Variants in LAMA2 observed in about 807,000 individuals in gnomAD.
LAMA2 encodes the protein laminin subunit alpha 2.
A neutral mutation model predicts 364.8 loss-of-function variants in LAMA2; 269 were observed. That is an observed-to-expected ratio of 0.74 (90% CI 0.67 to 0.82). The LOEUF (loss-of-function observed/expected upper bound fraction) is 0.82, where lower values mean the gene tolerates loss of function less well. Among genes scored for constraint, LAMA2 ranks in the 40% least tolerant of loss-of-function variants. The pLI is 0.00. For synonymous variants in LAMA2, 1,379 were observed against 1,370.6 expected (o/e 1.01, Z -0.14); for missense variants, 3,807 against 3,873.2 (o/e 0.98, Z 0.45).
At chr6:129,142,112 A>T (rs907716024) in intron 4 of LAMA2, among the ~76,000 whole-genome samples, 2 of 152,174 alleles carry the variant, frequency 1.3e-5, no homozygotes, top group South Asian at 4.1e-4. Flanking sequence ...AACCAGTCCC[A>T]TATTGATGGA....
chr6:129,005,184 C>T (rs2114682893), intron 1 of LAMA2, among the ~76,000 whole-genome samples: 1 of 151,858 alleles, frequency 6.6e-6, no homozygotes, highest in African/African-American at 2.4e-5. Context: ...AGTTAATTGT[C>T]AGTTTTTATG....
intron 1 of LAMA2, among the ~76,000 whole-genome samples, chr6:128,923,503 G>A (rs1268273031): frequency 6.6e-6 from 1 of 151,700 alleles, no homozygotes; most frequent in Non-Finnish European, 1.5e-5. Context: ...ATTTATTATG[G>A]CAGTCCTAGA....
chr6:129,404,277 G>C (rs1452881708), intron 40 of LAMA2, among the ~76,000 whole-genome samples: 1 of 129,346 alleles, frequency 7.7e-6, no homozygotes, highest in Non-Finnish European at 1.6e-5. Flanking sequence ...ATCTCAAATG[G>C]CATTAGTAAA....
chr6:128,901,724 G>T (rs1192735124), intron 1 of LAMA2, among the ~76,000 whole-genome samples: 1 of 152,102 alleles, frequency 6.6e-6, no homozygotes, highest in Non-Finnish European at 1.5e-5. Flanking sequence ...AGTTATATTA[G>T]CTAATCACTA....
chr6:129,315,615 C>A lies in LAMA2; in HGVS notation c.3695C>A (p.Pro1232His), dbSNP rs745866291. 116 of 1,613,946 alleles carry A rather than the reference C, an allele frequency of 7.2e-5. 1 individual carries two copies. The highest frequency in any genetic ancestry group is 9.3e-5 in the Non-Finnish European group (110 of 1,180,016). ...DLMREDLHLE[P>H]FYWKLPEQFE... ...ATGAGAGAAGATCTCCATTTGGAAC[C>A]TTTTTATTGGAAACTTCCAGAACAA... The change falls in exon 25 of 65, where the codon CCT becomes CAT. Residue 1232 changes from proline (P) to histidine (H), a missense_variant. Physicochemically the swap from Pro to His is moderately conservative, Grantham distance 77 (BLOSUM62 -2). This residue lies in a region of LAMA2 where 3,333 missense variants were observed against 3,345.7 expected (regional missense o/e 1.00). Coordinates refer to ENST00000421865, the MANE Select transcript of LAMA2 (RefSeq NM_000426.4).
At chr6:129,087,785 A>G (rs1774469125) in intron 3 of LAMA2, among the ~76,000 whole-genome samples, 1 of 152,038 alleles carries the variant, frequency 6.6e-6, no homozygotes, top group Admixed American at 6.6e-5. Context: ...AGTAGTAAAC[A>G]GCAGAGGGTA....
chr6:129,385,062 G>A (rs200484667), intron 35 of LAMA2, among the ~76,000 whole-genome samples: 3 of 82,526 alleles, frequency 3.6e-5, no homozygotes, highest in East Asian at 3.3e-4. Context: ...GGAAGGAAGG[G>A]AGGGGAGGGA....
chr6:128,934,012 A>G (rs1474570187), intron 1 of LAMA2, among the ~76,000 whole-genome samples: 2 of 152,186 alleles, frequency 1.3e-5, no homozygotes, highest in Non-Finnish European at 2.9e-5. Flanking sequence ...AATCATGACC[A>G]AGACTGATGG....
intron 22 of LAMA2, among the ~76,000 whole-genome samples, chr6:129,305,625 G>A (rs1289445460): frequency 6.6e-6 from 1 of 152,106 alleles, no homozygotes; most frequent in Non-Finnish European, 1.5e-5. Context: ...GTGTGTGTGT[G>A]TGAGAGAGAG....
At chr6:129,314,463 T>G (rs1441652848) in intron 23 of LAMA2, among the ~76,000 whole-genome samples, 192 bp from the exon 24 acceptor site, 1 of 151,690 alleles carries the variant, frequency 6.6e-6, no homozygotes, top group Non-Finnish European at 1.5e-5. Flanking sequence ...ATAAAGCATT[T>G]TTAAAAGATC....
intron 8 of LAMA2, among the ~76,000 whole-genome samples, chr6:129,164,301 C>A (rs751952459): frequency 1.3e-5 from 2 of 152,174 alleles, no homozygotes; most frequent in Non-Finnish European, 2.9e-5. Context: ...GAGATTTCAC[C>A]ACACTATTCA....
rs367599018 is a variant in LAMA2 at position 128,956,681 on chromosome 6, A to G, written c.112+73324A>G. Among the ~76,000 whole-genome samples the G allele has an allele frequency of 3.5e-4, 53 of 152,140 alleles. No homozygotes were observed. In the South Asian group the frequency reaches 0.01, roughly 30 times the overall value. On this transcript the variant is annotated intron_variant, in intron 1 of 64. Transcript: ENST00000421865. ...ATTGCTTTCTTCATAGGCTTTTCCT[A>G]TTGTTCTCTGTCAAGACACTGCAGT...
intron 3 of LAMA2, among the ~76,000 whole-genome samples, chr6:129,082,326 T>C (rs1774111944): frequency 6.6e-6 from 1 of 152,074 alleles, no homozygotes; most frequent in Admixed American, 6.6e-5. Context: ...ATTCTCTCAC[T>C]CCACTGCAAT....
chr6:129,435,771 C>A (rs4897323), intron 41 of LAMA2, among the ~76,000 whole-genome samples: 77,636 of 151,958 alleles, frequency 0.51, 20,597 homozygotes, highest in African/African-American at 0.66. Flanking sequence ...TAATATGTCC[C>A]GTACTCTTCT....
intron 1 of LAMA2, among the ~76,000 whole-genome samples, chr6:128,888,090 T>C (rs1271810825): frequency 6.6e-6 from 1 of 152,170 alleles, no homozygotes; most frequent in Non-Finnish European, 1.5e-5. Context: ...TGAGCCTCGA[T>C]AGCTAAACAG....
intron 46 of LAMA2, among the ~76,000 whole-genome samples, chr6:129,453,395 T>C (rs192352660): frequency 2.8e-4 from 42 of 152,314 alleles, no homozygotes; most frequent in African/African-American, 1.0e-3. Context: ...AATTATACTT[T>C]CAGATCCAGT....
At chr6:128,987,165 G>T (rs1761385851) in intron 1 of LAMA2, among the ~76,000 whole-genome samples, 1 of 123,704 alleles carries the variant, frequency 8.1e-6, no homozygotes. Context: ...TTGAGGCAGA[G>T]TCTCTCTCTG....
At chr6:129,362,053 T>C (rs1777496128) in intron 32 of LAMA2, among the ~76,000 whole-genome samples, 1 of 151,896 alleles carries the variant, frequency 6.6e-6, no homozygotes, top group African/African-American at 2.4e-5. Flanking sequence ...CCATACTGCT[T>C]GGATTACAGG....
rs7739841 is a variant in LAMA2, at chr6:129,364,502, G to A, written c.4718-1717G>A. 9.2e-3 allele frequency among the ~76,000 whole-genome samples: 1,400 copies of A among 152,198 alleles called. 22 individuals carry two copies. The highest frequency in any genetic ancestry group is 0.032 in the African/African-American group (1,334 of 41,508). ...AATGCAGTAGTTCCTGCTCCTTGGC[G>A]TGCAGATACACCTCATTACTCTGCA... On this transcript the variant is annotated intron_variant, in intron 32 of 64. Coordinates refer to ENST00000421865, the MANE Select transcript of LAMA2 (RefSeq NM_000426.4).
Sources: allele counts gnomAD v4.1 joint callset (sites outside exome capture counted in the v4.1 genomes callset), GRCh38; gene constraint gnomAD v4.1.1; regional missense constraint gnomAD v4.1.1; transcripts MANE v1.5; gene names NCBI Gene and HGNC (gene_info 2026-07-23, HGNC 2026-07-21).